PATJ: variants seen among roughly 807,000 people sequenced by gnomAD.
PATJ encodes the protein PATJ crumbs cell polarity complex component.
In PATJ, 190 loss-of-function variants were observed where a neutral mutation model predicts 224.9. The ratio of observed to expected loss-of-function variants is 0.84; its 90% CI spans 0.75 to 0.95. The LOEUF (loss-of-function observed/expected upper bound fraction) is 0.95. Ranked by LOEUF, PATJ falls within the 40% of genes least tolerant of loss-of-function variation. The pLI is 0.00. For missense variants in PATJ, 2,121 were observed against 2,270.3 expected (o/e 0.93, Z 1.34); for synonymous variants, 769 against 820.3 (o/e 0.94, Z 1.07).
chr1:61,960,027 AAAAT>A (rs929495372), intron 27 of PATJ, among the ~76,000 whole-genome samples: 5 of 152,066 alleles, frequency 3.3e-5, no homozygotes, highest in African/African-American at 4.8e-5. Context: ...CCATTTCTAA[AAAAT>A]AAATAAATAA....
intron 41 of PATJ, among the ~76,000 whole-genome samples, chr1:62,143,438 A>ATTTTTTTTTTTTTTTTTTTTTTTTTT (rs34127211): frequency 2.7e-5 from 2 of 74,310 alleles, no homozygotes; most frequent in East Asian, 1.0e-3. Context: ...TAAGCTGGGA[A>ATTTTTTTTTTTTTTTTTTTTTTTTTT]TTTTTTTTTT....
At chr1:61,791,913 G>A (rs1295900442) in intron 9 of PATJ, among the ~76,000 whole-genome samples, 1 of 151,942 alleles carries the variant, frequency 6.6e-6, no homozygotes, top group Non-Finnish European at 1.5e-5. Context: ...ATGAGAATAA[G>A]TACACAATTC....
chr1:61,853,613 G>A (rs148418329), intron 17 of PATJ, among the ~76,000 whole-genome samples: 1 of 152,328 alleles, frequency 6.6e-6, no homozygotes, highest in East Asian at 1.9e-4. Flanking sequence ...TTATTAGTGT[G>A]TCAAACTTAA....
chr1:62,014,733 A>G (rs1646670569), intron 28 of PATJ, among the ~76,000 whole-genome samples: 2 of 151,586 alleles, frequency 1.3e-5, no homozygotes, highest in South Asian at 4.2e-4. Flanking sequence ...CACTTGGCTA[A>G]TTTTTATATT....
intron 15 of PATJ, 110 bp downstream of exon 15, chr1:61,823,189 T>C: frequency 9.3e-7 from 1 of 1,071,144 alleles, no homozygotes; most frequent in Non-Finnish European, 1.4e-6. Flanking sequence ...CAATGTAATA[T>C]GAGCCTCTTA....
At position 61,919,497 on chromosome 1, in the gene PATJ, G is replaced by T. The variant is rs1442494725; in HGVS notation, c.3570+4833G>T. On this transcript the variant is annotated intron_variant, in intron 26 of 43. Coordinates refer to ENST00000642238, the MANE Select transcript of PATJ (RefSeq NM_001350145.3). ...TTTTTGTATTTTTTTTTGAGATGAG[G>T]TTTTGCCATGTTGCGCAGGCTGATC... 2.0e-5 allele frequency among the ~76,000 whole-genome samples: 3 copies of T among 151,634 alleles called. No individual in the cohort carries two copies. The East Asian group carries it at 5.8e-4, about 29-fold the overall frequency.
intron 7 of PATJ, among the ~76,000 whole-genome samples, chr1:61,775,686 A>G (rs1450752431): frequency 6.6e-6 from 1 of 152,212 alleles, no homozygotes; most frequent in Non-Finnish European, 1.5e-5. Context: ...TAAAATCAGA[A>G]GATACAGTGA....
chr1:61,973,186 C>T (rs1256894092), intron 27 of PATJ, among the ~76,000 whole-genome samples: 2 of 151,932 alleles, frequency 1.3e-5, no homozygotes, highest in Non-Finnish European at 1.5e-5. Flanking sequence ...GCCAGAAACT[C>T]TGCCTACACG....
chr1:62,042,455 C>G (rs1651693901), intron 30 of PATJ, among the ~76,000 whole-genome samples: 1 of 152,064 alleles, frequency 6.6e-6, no homozygotes, highest in Non-Finnish European at 1.5e-5. Flanking sequence ...CTATTGAGTA[C>G]TAAAGCATAA....
chr1:61,816,807 A>G (rs1656199415), intron 14 of PATJ, among the ~76,000 whole-genome samples: 1 of 152,182 alleles, frequency 6.6e-6, no homozygotes. Context: ...CACAGAATCA[A>G]ATAACTATAG....
rs766467463 is a variant in PATJ, at chr1:62,036,389, T to G, written c.3960-1588T>G. ...ATAATTTTCAAGAATGACCCCTGTT[T>G]CCTGGTTGAACAACTGGACAGATGT... On this transcript the variant is annotated intron_variant, in intron 29 of 43. Coordinates refer to ENST00000642238, the MANE Select transcript of PATJ (RefSeq NM_001350145.3). Among the ~76,000 whole-genome samples the G allele has an allele frequency of 7.9e-4, 120 of 152,202 alleles. 1 individual carries two copies. Among genetic ancestry groups the G allele is most frequent in the Admixed American group, 2.7e-3 (41 of 15,282 alleles).
chr1:61,974,610 A>G (rs1390849579), intron 27 of PATJ, among the ~76,000 whole-genome samples: 8 of 150,874 alleles, frequency 5.3e-5, no homozygotes, highest in Non-Finnish European at 5.9e-5. Context: ...CTCAAAAAAC[A>G]AACAAACGGG....
At chr1:61,843,788 A>G (rs761532302) in intron 17 of PATJ, among the ~76,000 whole-genome samples, 1 of 151,956 alleles carries the variant, frequency 6.6e-6, no homozygotes, top group Admixed American at 6.6e-5. Context: ...TGTTCCTATT[A>G]TATTTACTGA....
chr1:61,958,368 T>C (rs993956485), intron 27 of PATJ, among the ~76,000 whole-genome samples: 5 of 152,208 alleles, frequency 3.3e-5, no homozygotes, highest in African/African-American at 1.2e-4. Flanking sequence ...TGACCCTAAT[T>C]GTTTCTGGCA....
rs1669321762 is a variant in PATJ at position 62,157,256 on chromosome 1, G to A, written c.5503-3652G>A. Reference sequence around the variant, plus strand: ...GGAGAATCGCTTGAACCTGAGAGGTGGAGGTTGCAGTGAGCGGAGATTACA... The same window carrying A: ...GGAGAATCGCTTGAACCTGAGAGGTAGAGGTTGCAGTGAGCGGAGATTACA... On this transcript the variant is annotated intron_variant, in intron 43 of 43. Coordinates refer to ENST00000642238, the MANE Select transcript of PATJ (RefSeq NM_001350145.3). Among the ~76,000 whole-genome samples, 4 of 151,760 alleles carry A rather than the reference G, an allele frequency of 2.6e-5. No individual in the cohort carries two copies. In the South Asian group the frequency reaches 8.4e-4, roughly 32 times the overall value.
intron 26 of PATJ, among the ~76,000 whole-genome samples, chr1:61,921,302 C>T (rs570409834): frequency 2.0e-5 from 3 of 152,174 alleles, no homozygotes; most frequent in Admixed American, 2.0e-4. Context: ...GGTTGTTTAC[C>T]AAATTAAAGG....
intron 27 of PATJ, among the ~76,000 whole-genome samples, chr1:61,978,401 G>A (rs1644267810): frequency 6.6e-6 from 1 of 151,760 alleles, no homozygotes; most frequent in Non-Finnish European, 1.5e-5. Flanking sequence ...GAGTAGCTGG[G>A]ATTAAAGGCA....
chr1:62,030,688 T>C (rs1332631), intron 29 of PATJ, among the ~76,000 whole-genome samples: 57,075 of 152,038 alleles, frequency 0.38, 11,312 homozygotes, highest in Middle Eastern at 0.48. Context: ...TCTCTCCTTC[T>C]CCCAAGAGCC....
intron 14 of PATJ, among the ~76,000 whole-genome samples, chr1:61,812,407 T>TGAGAGAGA (rs769833245): frequency 0.015 from 1,179 of 79,464 alleles, 32 homozygotes; most frequent in African/African-American, 0.029. Flanking sequence ...TGTGAGTGAC[T>TGAGAGAGA]GAGAGAGAGA....
Sources: gnomAD v4.1 joint callset for allele counts (sites outside exome capture counted in the v4.1 genomes callset) on GRCh38, gnomAD v4.1.1 for gene constraint, MANE v1.5 for transcripts, NCBI Gene and HGNC (gene_info 2026-07-23, HGNC 2026-07-21) for gene names.